The following FUT8 variants were observed in gnomAD, a reference collection of about 807,000 sequenced individuals.
FUT8 encodes the protein alpha-(1,6)-fucosyltransferase.
A neutral mutation model predicts 71.3 loss-of-function variants in FUT8; 29 were observed. The observed-to-expected ratio is 0.41, with a 90% confidence interval of 0.30 to 0.55. The LOEUF is 0.55. Ranked by LOEUF, FUT8 falls within the 20% of genes least tolerant of loss-of-function variation. The probability of loss-of-function intolerance (pLI) is 0.34; values close to 1 mark genes in which losing one functional copy is unlikely to be tolerated. For synonymous variants in FUT8, 254 were observed against 239.3 expected (o/e 1.06, Z -0.57); for missense variants, 544 against 702.1 (o/e 0.77, Z 2.55).
chr14:65,643,167 A>G lies in FUT8; in HGVS notation c.597+13561A>G, dbSNP rs1890920203. Among the ~76,000 whole-genome samples the G allele has an allele frequency of 6.6e-6, 1 of 152,202 alleles. No homozygotes were observed. Among genetic ancestry groups the G allele is most frequent in the Non-Finnish European group, 1.5e-5 (1 of 68,036 alleles). Reference sequence around the variant, plus strand: ...TATTTTGAGATTCCTAATGGTAATGAAGGAATTTTTTTAATTCCTGAGAGT... The same window carrying G: ...TATTTTGAGATTCCTAATGGTAATGGAGGAATTTTTTTAATTCCTGAGAGT... On this transcript the variant is annotated intron_variant, in intron 6 of 10. Transcript: ENST00000673929. The surrounding 1 kb of genome is among the most constrained non-coding windows in gnomAD (Gnocchi z 4.5).
intron 2 of FUT8, among the ~76,000 whole-genome samples, chr14:65,460,870 G>A (rs374823480): frequency 2.0e-5 from 3 of 152,278 alleles, no homozygotes; most frequent in South Asian, 2.1e-4. Context: ...GAAAACTGCC[G>A]AAGAGTTGAT....
At chr14:65,411,870 C>T, upstream of FUT8, 4 of 365,740 alleles carry the variant, frequency 1.1e-5, no homozygotes, top group South Asian at 8.2e-5. Context: ...CCCGCGACTA[C>T]TTTGTGTGCT....
intron 2 of FUT8, among the ~76,000 whole-genome samples, chr14:65,553,263 T>C (rs1471895814): frequency 1.3e-5 from 2 of 152,144 alleles, no homozygotes; most frequent in East Asian, 3.8e-4. Context: ...ATATATAAAA[T>C]TATTAGTCTA....
intron 7 of FUT8, among the ~76,000 whole-genome samples, chr14:65,704,217 G>A (rs1454622740): frequency 1.3e-5 from 2 of 152,182 alleles, no homozygotes; most frequent in Admixed American, 6.5e-5. Flanking sequence ...AAGGAATCCA[G>A]TGTGCTGACT....
intron 2 of FUT8, among the ~76,000 whole-genome samples, chr14:65,513,527 A>AGTATC (rs1330170444): frequency 6.6e-6 from 1 of 152,226 alleles, no homozygotes; most frequent in African/African-American, 2.4e-5. Flanking sequence ...GACTCATGAT[A>AGTATC]GTGACCCTAC....
intron 2 of FUT8, among the ~76,000 whole-genome samples, chr14:65,464,880 A>G (rs1328967447): frequency 1.3e-5 from 2 of 152,222 alleles, no homozygotes; most frequent in East Asian, 1.9e-4. Flanking sequence ...CTGCTTCTAC[A>G]GATTGTAGAA....
At chr14:65,407,820 A>C (rs1226658536), upstream of FUT8, among the ~76,000 whole-genome samples, 2 of 152,240 alleles carry the variant, frequency 1.3e-5, 1 homozygote, top group Non-Finnish European at 2.9e-5. Flanking sequence ...TCTGTCTGCC[A>C]TCGCCAGTAG....
intron 6 of FUT8, among the ~76,000 whole-genome samples, chr14:65,636,966 A>G (rs58483104): frequency 6.6e-6 from 1 of 152,340 alleles, no homozygotes; most frequent in East Asian, 1.9e-4. Context: ...TATCAGGCTC[A>G]AATAGAATGG....
At chr14:65,374,583 C>T in the FUT8 span, among the ~76,000 whole-genome samples, 5 of 151,658 alleles carry the variant, frequency 3.3e-5, no homozygotes, top group Admixed American at 2.0e-4. Context: ...TCCTAACCAA[C>T]GGTGAGTTGT....
chr14:65,612,077 GT>G (rs1214606016), intron 3 of FUT8, among the ~76,000 whole-genome samples: 1 of 152,130 alleles, frequency 6.6e-6, no homozygotes, highest in Admixed American at 6.5e-5. Flanking sequence ...TCAGTTTTGA[GT>G]TGGTTTTGAT....
intron 2 of FUT8, among the ~76,000 whole-genome samples, chr14:65,485,431 A>G (rs2066394724): frequency 6.6e-6 from 1 of 152,192 alleles, no homozygotes. Context: ...AGAGGCCTGG[A>G]GCAATGCTCA....
chr14:65,439,036 A>G (rs2065602880), intron 1 of FUT8, among the ~76,000 whole-genome samples: 1 of 152,224 alleles, frequency 6.6e-6, no homozygotes, highest in South Asian at 2.1e-4. Context: ...TTTAGTTGAT[A>G]CAGATTGGTT....
intron 3 of FUT8, among the ~76,000 whole-genome samples, chr14:65,572,957 A>T (rs1317828743): frequency 6.6e-6 from 1 of 152,180 alleles, no homozygotes; most frequent in African/African-American, 2.4e-5. Context: ...GACCTAATTG[A>T]CATTTACAGA....
chr14:65,694,598 G>A (rs1181245552), intron 7 of FUT8, among the ~76,000 whole-genome samples: 1 of 152,136 alleles, frequency 6.6e-6, no homozygotes, highest in Non-Finnish European at 1.5e-5. Flanking sequence ...ACACTTGTAT[G>A]TTTATTGTGG....
intron 10 of FUT8, among the ~76,000 whole-genome samples, chr14:65,741,189 A>C (rs968587399): frequency 1.3e-4 from 20 of 151,988 alleles, no homozygotes; most frequent in East Asian, 1.2e-3. Flanking sequence ...CCTGCTATCC[A>C]GTGAGCAGAG....
chr14:65,612,209 A>G (rs1889037202), intron 3 of FUT8, among the ~76,000 whole-genome samples: 1 of 152,118 alleles, frequency 6.6e-6, no homozygotes, highest in Non-Finnish European at 1.5e-5. Context: ...TGTATAATTT[A>G]CAAATATTCT....
chr14:65,397,188 C>T, the FUT8 span, among the ~76,000 whole-genome samples: 5 of 152,156 alleles, frequency 3.3e-5, no homozygotes, highest in Non-Finnish European at 5.9e-5. The surrounding 1 kb of genome is among the most constrained non-coding windows in gnomAD (Gnocchi z 4.2). Context: ...GCACTTAAGA[C>T]CAGGCTTGGA....
chr14:65,671,122 G>C (rs1892455047), intron 7 of FUT8, among the ~76,000 whole-genome samples: 1 of 152,128 alleles, frequency 6.6e-6, no homozygotes, highest in Non-Finnish European at 1.5e-5. Context: ...ACTTAGTTCA[G>C]TTTAAACTTC....
At chr14:65,403,886 A>T in the FUT8 span, among the ~76,000 whole-genome samples, 1 of 151,466 alleles carries the variant, frequency 6.6e-6, no homozygotes, top group Non-Finnish European at 1.5e-5. Flanking sequence ...GCCTTTCTAG[A>T]TTTGTTTCTT....
Sources: gnomAD v4.1 joint callset for allele counts (sites outside exome capture counted in the v4.1 genomes callset) on GRCh38, gnomAD v4.1.1 for gene constraint, Gnocchi (gnomAD v3.1) non-coding constraint, MANE v1.5 for transcripts, NCBI Gene and HGNC (gene_info 2026-07-23, HGNC 2026-07-21) for gene names.